The following TRPC4AP variants were observed in gnomAD, a reference collection of about 807,000 sequenced individuals.
The protein encoded by TRPC4AP is transient receptor potential cation channel subfamily C member 4 associated protein.
TRPC4AP carries 45 observed loss-of-function variants against 99.0 expected under a neutral mutation model. The ratio of observed to expected loss-of-function variants is 0.45; its 90% confidence interval spans 0.36 to 0.58. TRPC4AP has a LOEUF of 0.58. TRPC4AP is among the 20% of genes least tolerant of loss of function. The probability of loss-of-function intolerance (pLI) is 0.00; values close to 1 mark genes in which losing one functional copy is unlikely to be tolerated. For synonymous variants in TRPC4AP, 408 were observed against 385.8 expected, an observed-to-expected ratio of 1.06 and a Z score of -0.67; for missense variants, 879 against 985.3, an observed-to-expected ratio of 0.89 and a Z score of 1.44.
chr20:35,089,480 T>A (rs1003048060), intron 1 of TRPC4AP, among the ~76,000 whole-genome samples: 2 of 151,150 alleles, frequency 1.3e-5, no homozygotes, highest in Non-Finnish European at 2.9e-5. Flanking sequence ...GATCATCCCA[T>A]CTTGGTCTCC....
rs141839947 is a variant in TRPC4AP at position 35,014,394 on chromosome 20, T to C, written c.1351-1328A>G. On this transcript the variant is annotated intron_variant, in intron 10 of 18. Coordinates refer to ENST00000252015, the MANE Select transcript of TRPC4AP (RefSeq NM_015638.3). ...GTGCAGTGGCGTGATCTCAGCTCAC[T>C]GCAACCTCTGCCTCCTGGGTTCAAG... Among the ~76,000 whole-genome samples the C allele has an allele frequency of 1.2e-3, 174 of 144,992 alleles. 1 individual carries two copies. The highest frequency in any genetic ancestry group is 4.4e-3 in the African/African-American group (170 of 38,808).
intron 3 of TRPC4AP, among the ~76,000 whole-genome samples, chr20:35,057,994 T>C (rs1251938482): frequency 2.0e-5 from 3 of 152,202 alleles, no homozygotes; most frequent in Non-Finnish European, 4.4e-5. Context: ...TATATGCATG[T>C]GTTTTTTATT....
At chr20:35,020,069 C>T (rs2147293796) in intron 9 of TRPC4AP, among the ~76,000 whole-genome samples, 1 of 152,294 alleles carries the variant, frequency 6.6e-6, no homozygotes, top group African/African-American at 2.4e-5. Flanking sequence ...TCACCCTTAA[C>T]TCCTCTCCTC....
chr20:35,053,362 T>C (rs2083748296), intron 5 of TRPC4AP, among the ~76,000 whole-genome samples: 1 of 152,196 alleles, frequency 6.6e-6, no homozygotes, highest in Non-Finnish European at 1.5e-5. Context: ...AACTTAACTG[T>C]TTTATTGGAA....
rs533424806 is a variant in TRPC4AP, at chr20:35,057,309, C to T, written c.472+205G>A. On this transcript the variant is annotated intron_variant, in intron 4 of 18. Coordinates refer to ENST00000252015, the MANE Select transcript of TRPC4AP (RefSeq NM_015638.3). ...TATCAAAAGTACAAAGATGCATTCTCTTAACCCAGATCTGAATTTCTACGC... is the reference window on the plus strand; with the variant it reads ...TATCAAAAGTACAAAGATGCATTCTTTTAACCCAGATCTGAATTTCTACGC... Among the ~76,000 whole-genome samples the T allele has an allele frequency of 2.6e-5, 4 of 152,300 alleles. No individual in the cohort carries two copies. The East Asian group carries it at 7.7e-4, about 29-fold the overall frequency.
chr20:35,033,954 G>A lies in TRPC4AP; in HGVS notation c.1051+1169C>T. The stretch of plus-strand genomic sequence containing the variant: ...AGGTCAGGAGATCGAGACCATCCTG[G>A]CTAACAAGGTGAAACCCCGTCTCTA... On this transcript the variant is annotated intron_variant, in intron 8 of 18. Transcript: ENST00000252015. Among the ~76,000 whole-genome samples the A allele has an allele frequency of 1.3e-4, 3 of 22,864 alleles. 1 individual carries two copies. The highest frequency in any genetic ancestry group is 3.1e-3 in the East Asian group (2 of 636). The allele number at this position is 22,864 out of a possible 152,430, so 15.0% of individuals were successfully genotyped here.
At position 35,092,767 on chromosome 20, in the gene TRPC4AP, C is replaced by G; in HGVS notation, c.15G>C (p.Pro5=). 6.5e-7 allele frequency: 1 copy of G among 1,539,616 alleles called. No homozygotes were observed. The highest frequency in any genetic ancestry group is 8.7e-7 in the Non-Finnish European group (1 of 1,155,344). ...GGCCGGCTCCAGACCCAGCCGCTAC[C>G]GGCGCCGCCGCCATGTCTCCTCGTC... MAAA[P]VAAGSGAGRG... Residue 5 remains proline, a synonymous_variant, in exon 1 of 19, where the codon CCG becomes CCC. Transcript: ENST00000252015.
At chr20:35,087,133 T>C (rs746633729) in intron 1 of TRPC4AP, among the ~76,000 whole-genome samples, 3 of 145,502 alleles carry the variant, frequency 2.1e-5, no homozygotes, top group Admixed American at 7.0e-5. Flanking sequence ...ATCGAGACCA[T>C]CCTGGCTAAC....
intron 7 of TRPC4AP, among the ~76,000 whole-genome samples, chr20:35,043,740 G>A (rs975949634): frequency 6.6e-6 from 1 of 152,152 alleles, no homozygotes. Context: ...TAGAACAATT[G>A]TAACAAGATG....
intron 10 of TRPC4AP, 82 bp downstream of exon 10, chr20:35,015,926 G>A (rs2082744663): frequency 6.4e-7 from 1 of 1,568,778 alleles, no homozygotes; most frequent in Non-Finnish European, 8.7e-7. Context: ...AAGGAAAAAA[G>A]GTCAAAGGGT....
intron 15 of TRPC4AP, among the ~76,000 whole-genome samples, 166 bp downstream of exon 15, chr20:35,006,269 A>G (rs2082513888): frequency 6.6e-6 from 1 of 152,064 alleles, no homozygotes; most frequent in Non-Finnish European, 1.5e-5. Context: ...CCCAGGGTCT[A>G]GCACAAAGCC....
chr20:35,012,807 T>C (rs1023139614), intron 11 of TRPC4AP, among the ~76,000 whole-genome samples: 2 of 152,158 alleles, frequency 1.3e-5, no homozygotes, highest in Admixed American at 6.5e-5. Context: ...AGAAGAAAGC[T>C]TGGGGCAGTG....
Position 35,010,302 on chromosome 20 carries a change from G to T in TRPC4AP, c.1410-14C>A. 1.9e-6 allele frequency: 3 copies of T among 1,611,222 alleles called. No individual in the cohort carries two copies. The highest frequency in any genetic ancestry group is 2.5e-6 in the Non-Finnish European group (3 of 1,177,452). On this transcript the variant is annotated splice_polypyrimidine_tract_variant and intron_variant, in intron 11 of 18. Transcript: ENST00000252015. ...AAGTACTTGTTCCTGAAACAAAATG[G>T]GTTGGAGGAGGTAAAGGACAGGAAC...
intron 3 of TRPC4AP, among the ~76,000 whole-genome samples, chr20:35,059,915 GAAGACA>G (rs1445564487): frequency 1.1e-4 from 11 of 99,204 alleles, no homozygotes; most frequent in East Asian, 2.4e-4. Context: ...CGAAGACGAA[GAAGACA>G]AAGACGAAGA....
chr20:35,025,727 TTC>T (rs2083013926), intron 8 of TRPC4AP, among the ~76,000 whole-genome samples: 1 of 152,196 alleles, frequency 6.6e-6, no homozygotes, highest in African/African-American at 2.4e-5. Flanking sequence ...ATTCTGTGGG[TTC>T]TCTTTTCACT....
In TRPC4AP at chr20:35,007,654, A is replaced by G. The variant is rs770116154; in HGVS notation, c.1596-14T>C. On this transcript the variant is annotated splice_polypyrimidine_tract_variant and intron_variant, in intron 13 of 18. Transcript: ENST00000252015. ...GCTTGCCAAAACCTGCGACCCAAATACTGGCTCAGGTGGCTAAGGCTGCCC... is the reference window on the plus strand; with the variant it reads ...GCTTGCCAAAACCTGCGACCCAAATGCTGGCTCAGGTGGCTAAGGCTGCCC... The G allele has an allele frequency of 1.2e-6, 2 of 1,614,108 alleles. No individual in the cohort carries two copies. Among genetic ancestry groups the G allele is most frequent in the Non-Finnish European group, 1.7e-6 (2 of 1,179,954 alleles).
intron 7 of TRPC4AP, 97 bp from the exon 8 acceptor site, chr20:35,035,405 C>T: frequency 7.9e-7 from 1 of 1,266,730 alleles, no homozygotes; most frequent in Non-Finnish European, 1.1e-6. Context: ...AGGAATAATT[C>T]TTACTCTGAT....
intron 3 of TRPC4AP, among the ~76,000 whole-genome samples, chr20:35,067,887 T>TG (rs2084186530): frequency 6.6e-6 from 1 of 152,112 alleles, no homozygotes; most frequent in Non-Finnish European, 1.5e-5. Context: ...ATAAAACACA[T>TG]GGAGTTTCTT....
chr20:35,008,400 G>A (rs550089873), intron 13 of TRPC4AP, among the ~76,000 whole-genome samples: 126 of 152,218 alleles, frequency 8.3e-4, no homozygotes, highest in South Asian at 7.9e-3. Flanking sequence ...GGCAGGGCCC[G>A]TATCCTAGTT....
Sources: allele counts gnomAD v4.1 joint callset (sites outside exome capture counted in the v4.1 genomes callset), GRCh38; gene constraint gnomAD v4.1.1; transcripts MANE v1.5; gene names NCBI Gene and HGNC (gene_info 2026-07-23, HGNC 2026-07-21).